CSNK1G3: variants seen among roughly 807,000 people sequenced by gnomAD.
The protein encoded by CSNK1G3 is casein kinase I isoform gamma-3.
A neutral mutation model predicts 64.3 loss-of-function variants in CSNK1G3; 23 were observed. That is an observed-to-expected ratio of 0.36 (90% CI 0.26 to 0.51). CSNK1G3 has a LOEUF of 0.51. CSNK1G3 is among the 20% of genes least tolerant of loss of function. The pLI is 0.96. For missense variants in CSNK1G3, 357 were observed against 510.5 expected, an observed-to-expected ratio of 0.70 and a Z score of 2.90; for synonymous variants, 158 against 162.2, an observed-to-expected ratio of 0.97 and a Z score of 0.20.
chr5:123,607,846 G>A (rs762559854), intron 12 of CSNK1G3, among the ~76,000 whole-genome samples: 5 of 152,124 alleles, frequency 3.3e-5, no homozygotes, highest in Non-Finnish European at 7.4e-5. Flanking sequence ...CCTCTTTGCT[G>A]ATTAAACATT....
intron 2 of CSNK1G3, among the ~76,000 whole-genome samples, chr5:123,547,669 G>A (rs1432079054): frequency 6.6e-6 from 1 of 151,996 alleles, no homozygotes; most frequent in African/African-American, 2.4e-5. Flanking sequence ...TATCTAATTT[G>A]TGTATGGGTC....
chr5:123,593,884 C>G (rs1340732803), intron 10 of CSNK1G3, among the ~76,000 whole-genome samples: 2 of 152,032 alleles, frequency 1.3e-5, no homozygotes, highest in Non-Finnish European at 2.9e-5. Flanking sequence ...TTGAGGCTCC[C>G]CATACTCCAA....
chr5:123,574,663 T>A (rs1046281161), intron 5 of CSNK1G3, among the ~76,000 whole-genome samples: 5 of 150,358 alleles, frequency 3.3e-5, no homozygotes, highest in Non-Finnish European at 7.4e-5. Flanking sequence ...TCTACAAAAA[T>A]AAAAATAAAA....
At chr5:123,568,690 T>C (rs1261005784) in intron 4 of CSNK1G3, among the ~76,000 whole-genome samples, 1 of 152,200 alleles carries the variant, frequency 6.6e-6, no homozygotes, top group Admixed American at 6.5e-5. Context: ...GCTCCTCATC[T>C]TCAAGGCTCT....
chr5:123,599,185 A>G (rs766482796), intron 10 of CSNK1G3, among the ~76,000 whole-genome samples: 16 of 152,220 alleles, frequency 1.1e-4, no homozygotes, highest in Non-Finnish European at 2.1e-4. Flanking sequence ...AGGGAAAAAG[A>G]CAAACATTAA....
At chr5:123,598,122 A>G (rs2151069548) in intron 10 of CSNK1G3, among the ~76,000 whole-genome samples, 1 of 152,290 alleles carries the variant, frequency 6.6e-6, no homozygotes, top group East Asian at 1.9e-4. Flanking sequence ...GAGACTAAGA[A>G]TAATATTCAG....
intron 6 of CSNK1G3, among the ~76,000 whole-genome samples, chr5:123,576,196 T>C (rs193276648): frequency 6.6e-6 from 1 of 152,318 alleles, no homozygotes; most frequent in Admixed American, 6.5e-5. Context: ...GTATTTTTTG[T>C]ATTTATATAA....
intron 8 of CSNK1G3, 135 bp downstream of exon 8, chr5:123,588,646 A>C (rs1791769053): frequency 1.5e-6 from 1 of 649,130 alleles, no homozygotes; most frequent in African/African-American, 1.9e-5. Context: ...GGTTGTCAGC[A>C]TTTGATGCCG....
chr5:123,557,636 T>G (rs1021245773), intron 4 of CSNK1G3, 72 bp downstream of exon 4: 8 of 991,384 alleles, frequency 8.1e-6, no homozygotes, highest in Non-Finnish European at 1.2e-5. Flanking sequence ...CAAGGAATGG[T>G]ATTTTAAGTT....
intron 1 of CSNK1G3, among the ~76,000 whole-genome samples, chr5:123,541,472 A>T (rs1183777362): frequency 6.6e-6 from 1 of 152,196 alleles, no homozygotes. Context: ...TCTGCTGCCC[A>T]GGCTGGAGTG....
intron 12 of CSNK1G3, among the ~76,000 whole-genome samples, chr5:123,608,021 T>C (rs934324019): frequency 2.0e-5 from 3 of 152,216 alleles, no homozygotes; most frequent in East Asian, 1.9e-4. Context: ...CCCTGAACTA[T>C]TGGGCTCAAG....
chr5:123,556,125 A>G (rs1190581238), intron 3 of CSNK1G3, among the ~76,000 whole-genome samples: 4 of 152,104 alleles, frequency 2.6e-5, no homozygotes, highest in African/African-American at 9.7e-5. Flanking sequence ...TAACTACTGT[A>G]CTATCCTGCC....
intron 4 of CSNK1G3, 106 bp from the exon 5 acceptor site, chr5:123,573,287 C>G: frequency 8.5e-7 from 1 of 1,182,158 alleles, no homozygotes; most frequent in Non-Finnish European, 1.2e-6. Context: ...AGTGATAGTA[C>G]TGCTTTAGTT....
chr5:123,613,441 A>T (rs969525676), intron 12 of CSNK1G3, among the ~76,000 whole-genome samples: 1 of 149,670 alleles, frequency 6.7e-6, no homozygotes, highest in Admixed American at 6.7e-5. Flanking sequence ...GTGCGTATGT[A>T]TGTATAATAT....
chr5:123,604,941 C>T, intron 11 of CSNK1G3, 111 bp downstream of exon 12: 2 of 728,298 alleles, frequency 2.7e-6, no homozygotes, highest in Non-Finnish European at 2.3e-6. Context: ...GGAATAGGTG[C>T]ATGCAAAACA....
intron 10 of CSNK1G3, among the ~76,000 whole-genome samples, chr5:123,600,299 T>C (rs1371760797): frequency 6.6e-6 from 1 of 152,168 alleles, no homozygotes; most frequent in African/African-American, 2.4e-5. Flanking sequence ...AAGGTTCTAC[T>C]TAGTAATCTT....
intron 1 of CSNK1G3, among the ~76,000 whole-genome samples, chr5:123,525,767 G>A (rs1157635626): frequency 4.6e-5 from 7 of 151,970 alleles, no homozygotes; most frequent in Non-Finnish European, 1.0e-4. Context: ...GCTGAGGCGG[G>A]CGGATCACGA....
intron 12 of CSNK1G3, among the ~76,000 whole-genome samples, chr5:123,608,154 G>A (rs17150506): frequency 0.22 from 33,951 of 151,900 alleles, 4,040 homozygotes; most frequent in African/African-American, 0.28. Flanking sequence ...CACGTAACTA[G>A]GGACCTGCTT....
rs527439397 is a variant in CSNK1G3, at chr5:123,533,857, T to C, written c.-247-11560T>C. 1.5e-4 allele frequency among the ~76,000 whole-genome samples: 23 copies of C among 152,012 alleles called. No homozygotes were observed. The East Asian group carries it at 3.1e-3, about 20-fold the overall frequency. ...TTTTGGAAGAGGGTGTTTTTCATAT[T>C]GTTAGCTTTCCTGATGTATCTAGTG... On this transcript the variant is annotated intron_variant, in intron 1 of 12. Transcript: ENST00000345990.
Sources: gnomAD v4.1 joint callset for allele counts (sites outside exome capture counted in the v4.1 genomes callset) on GRCh38, gnomAD v4.1.1 for gene constraint, MANE v1.5 for transcripts, NCBI Gene and HGNC (gene_info 2026-07-23, HGNC 2026-07-21) for gene names.